PCDHA8: variants seen among roughly 807,000 people sequenced by gnomAD.
The protein encoded by PCDHA8 is protocadherin alpha-8.
A neutral mutation model predicts 61.8 loss-of-function variants in PCDHA8; 53 were observed. The ratio of observed to expected loss-of-function variants is 0.86; its 90% CI spans 0.69 to 1.08. The LOEUF (loss-of-function observed/expected upper bound fraction) is 1.08. Among genes scored for constraint, PCDHA8 ranks in the 50% least tolerant of loss-of-function variants. The pLI is 0.00. For synonymous variants in PCDHA8, 618 were observed against 556.6 expected, an observed-to-expected ratio of 1.11 and a Z score of -1.55; for missense variants, 1,293 against 1,245.0, an observed-to-expected ratio of 1.04 and a Z score of -0.58.
chr5:140,855,841 TA>T, intron 1 of PCDHA8: 2 of 638,220 alleles, frequency 3.1e-6, no homozygotes, highest in Non-Finnish European at 2.6e-6. Context: ...TACTTACACC[TA>T]AAGCCACCGG....
intron 1 of PCDHA8, among the ~76,000 whole-genome samples, chr5:140,894,240 ATTTTC>A (rs2064382890): frequency 6.6e-6 from 1 of 151,828 alleles, no homozygotes; most frequent in African/African-American, 2.4e-5. Flanking sequence ...TGACAATGTA[ATTTTC>A]TTTTCTTTAC....
At chr5:140,913,987 T>C (rs562066581) in intron 1 of PCDHA8, among the ~76,000 whole-genome samples, 5 of 152,318 alleles carry the variant, frequency 3.3e-5, no homozygotes, top group African/African-American at 1.2e-4. Context: ...ACTTGTATTG[T>C]GACTAGCATA....
chr5:140,869,238 G>A (rs1430399840), intron 1 of PCDHA8: 1 of 1,613,534 alleles, frequency 6.2e-7, no homozygotes, highest in African/African-American at 1.3e-5. Flanking sequence ...GCACCTTCGT[G>A]GGCCGCATCG....
chr5:141,009,584 A>G, intron 3 of PCDHA8, 43 bp from the exon 4 acceptor site: 1 of 1,592,004 alleles, frequency 6.3e-7, no homozygotes, highest in Non-Finnish European at 8.6e-7. Context: ...CATCAAGAGC[A>G]TGTGTTGACC....
intron 1 of PCDHA8, among the ~76,000 whole-genome samples, chr5:140,911,053 G>A (rs2075311912): frequency 6.6e-6 from 1 of 152,090 alleles, no homozygotes. Flanking sequence ...GGGGTGGTGG[G>A]GGGTGGGTCC....
At position 140,853,114 on chromosome 5, in the gene PCDHA8, C is replaced by T. The variant is rs2150528456; in HGVS notation, c.2394+9399C>T. 11 of 456,802 alleles carry T rather than the reference C, an allele frequency of 2.4e-5. 1 individual carries two copies. The highest frequency in any genetic ancestry group is 1.1e-3 in the Middle Eastern group (1 of 920). The allele number at this position is 456,802 out of a possible 1,614,324, so 28.3% of individuals were successfully genotyped here. On this transcript the variant is annotated intron_variant, in intron 1 of 3. Coordinates refer to ENST00000531613, the MANE Select transcript of PCDHA8 (RefSeq NM_018911.3). ...CAGGATGGTCTCGATCTCCTGACCT[C>T]ATGATCCTCCCGCCTCAGCCTCCCA...
intron 3 of PCDHA8, among the ~76,000 whole-genome samples, chr5:140,988,287 C>A (rs2097291303): frequency 6.6e-6 from 1 of 152,240 alleles, no homozygotes; most frequent in Non-Finnish European, 1.5e-5. Context: ...TGCCATCTGA[C>A]AGCCCAGGAG....
At chr5:141,000,422 T>TATC (rs1491457105) in intron 3 of PCDHA8, among the ~76,000 whole-genome samples, 2 of 51,852 alleles carry the variant, frequency 3.9e-5, no homozygotes, top group African/African-American at 1.7e-4. Context: ...TATATATATA[T>TATC]TTTTTTTTTT....
At chr5:140,978,319 A>G (rs1294780698) in intron 1 of PCDHA8, among the ~76,000 whole-genome samples, 2 of 152,216 alleles carry the variant, frequency 1.3e-5, no homozygotes, top group Admixed American at 1.3e-4. Context: ...AGCAGGAACA[A>G]GTACAAGTTT....
At chr5:140,946,165 G>A (rs1554217364) in intron 1 of PCDHA8, among the ~76,000 whole-genome samples, 5 of 151,838 alleles carry the variant, frequency 3.3e-5, no homozygotes, top group African/African-American at 1.2e-4. Flanking sequence ...TTAAAAGATG[G>A]GTAAAGGATG....
At chr5:140,980,858 A>T (rs2096908934) in intron 2 of PCDHA8, among the ~76,000 whole-genome samples, 2 of 152,162 alleles carry the variant, frequency 1.3e-5, no homozygotes, top group Admixed American at 1.3e-4. Flanking sequence ...TCTTTTTCGT[A>T]TGTGTGCTTG....
intron 1 of PCDHA8, among the ~76,000 whole-genome samples, chr5:140,973,299 T>C (rs1191449890): frequency 1.3e-5 from 2 of 152,198 alleles, no homozygotes; most frequent in African/African-American, 4.8e-5. Flanking sequence ...TTCTATCTGA[T>C]GACTCTATCC....
At chr5:140,978,240 C>T (rs1290697340) in intron 1 of PCDHA8, among the ~76,000 whole-genome samples, 3 of 152,174 alleles carry the variant, frequency 2.0e-5, no homozygotes, top group African/African-American at 7.2e-5. Context: ...TGGATTTCAG[C>T]TACTCCCTGT....
chr5:140,961,155 G>A (rs1214072320), intron 1 of PCDHA8, among the ~76,000 whole-genome samples: 2 of 152,126 alleles, frequency 1.3e-5, no homozygotes, highest in Non-Finnish European at 2.9e-5. Context: ...TATTATTTCA[G>A]TACATATCTA....
intron 1 of PCDHA8, among the ~76,000 whole-genome samples, chr5:140,971,595 A>G (rs1228003229): frequency 6.6e-6 from 1 of 152,110 alleles, no homozygotes; most frequent in African/African-American, 2.4e-5. Flanking sequence ...CCTAGTTACT[A>G]CAGATGGCAG....
intron 3 of PCDHA8, among the ~76,000 whole-genome samples, chr5:140,986,776 C>T (rs916981139): frequency 2.6e-5 from 4 of 152,098 alleles, no homozygotes; most frequent in Non-Finnish European, 4.4e-5. Flanking sequence ...AATTAGGTAG[C>T]GGAAGCCACT....
chr5:140,875,198 G>T (rs782209612), intron 1 of PCDHA8: 16 of 552,110 alleles, frequency 2.9e-5, no homozygotes, highest in Non-Finnish European at 4.5e-5. Flanking sequence ...GACCCAGGAA[G>T]TGGCTAAACC....
Position 141,009,727 on chromosome 5 carries a change from C to T in PCDHA8, c.2643C>T (p.Pro881=), listed in dbSNP as rs781880006. The part of the protein sequence containing the change: ...YGPGNPKQSG[P]GELPDKFIIP... ...CAGGCAACCCCAAACAATCCGGTCC[C>T]GGTGAGTTGCCCGACAAATTCATTA... Residue 881 remains proline, a synonymous_variant, in exon 4 of 4, where the codon CCC becomes CCT. Coordinates refer to ENST00000531613, the MANE Select transcript of PCDHA8 (RefSeq NM_018911.3). The T allele has an allele frequency of 3.1e-6, 5 of 1,614,022 alleles. No homozygotes were observed. The highest frequency in any genetic ancestry group is 2.2e-5 in the East Asian group (1 of 44,886).
intron 1 of PCDHA8, chr5:140,927,853 G>A: frequency 6.2e-7 from 1 of 1,614,214 alleles, no homozygotes. Flanking sequence ...CTTTGGTTTA[G>A]CTAGCACCGC....
Sources: allele counts gnomAD v4.1 joint callset (sites outside exome capture counted in the v4.1 genomes callset), GRCh38; gene constraint gnomAD v4.1.1; transcripts MANE v1.5; gene names NCBI Gene and HGNC (gene_info 2026-07-23, HGNC 2026-07-21).